Variants in LOXL2 observed in about 807,000 individuals in gnomAD.
LOXL2 encodes lysyl oxidase homolog 2.
In LOXL2, 70 loss-of-function variants were observed where a neutral mutation model predicts 93.0. That is an observed-to-expected ratio of 0.75 (90% CI 0.62 to 0.92). The LOEUF is 0.92. Among genes scored for constraint, LOXL2 ranks in the 40% least tolerant of loss-of-function variants. The pLI is 0.00. For synonymous variants in LOXL2, 438 were observed against 413.2 expected (o/e 1.06, Z -0.73); for missense variants, 973 against 1,054.9 (o/e 0.92, Z 1.08).
At chr8:23,304,983 CT>C (rs1344187142) in intron 10 of LOXL2, among the ~76,000 whole-genome samples, 1 of 152,192 alleles carries the variant, frequency 6.6e-6, no homozygotes, top group African/African-American at 2.4e-5. Flanking sequence ...CTAAGTTGGG[CT>C]TCCCTCGGTC....
At chr8:23,347,580 G>T (rs1164549820) in intron 3 of LOXL2, among the ~76,000 whole-genome samples, 2 of 152,136 alleles carry the variant, frequency 1.3e-5, no homozygotes, top group African/African-American at 4.8e-5. Context: ...AACCCAGGAG[G>T]CGGAGTTTGC....
At position 23,374,824 on chromosome 8, in the gene LOXL2, C is replaced by T. The variant is rs182039019; in HGVS notation, c.-83-6390G>A. On this transcript the variant is annotated intron_variant, in intron 1 of 13. Transcript: ENST00000389131. ...TTTTATTTTCTTGTAAATTTGAGTT[C>T]TTTGTAGATTCTGGATATTAGCCCT... Among the ~76,000 whole-genome samples, 43 of 152,064 alleles carry T rather than the reference C, an allele frequency of 2.8e-4. No homozygotes were observed. The East Asian group carries it at 7.5e-3, about 27-fold the overall frequency.
chr8:23,313,712 A>G (rs1369459356), intron 9 of LOXL2, among the ~76,000 whole-genome samples: 3 of 150,038 alleles, frequency 2.0e-5, no homozygotes, highest in Non-Finnish European at 4.5e-5. Context: ...AAACCTAGGC[A>G]TTACCATTCA....
intron 2 of LOXL2, among the ~76,000 whole-genome samples, chr8:23,362,388 T>C (rs1476936216): frequency 6.6e-6 from 1 of 152,216 alleles, no homozygotes; most frequent in Non-Finnish European, 1.5e-5. Context: ...CTGCTGATGA[T>C]GGTTGCACAA....
chr8:23,322,411 A>G, intron 6 of LOXL2, 130 bp from the exon 7 acceptor site: 1 of 718,894 alleles, frequency 1.4e-6, no homozygotes, highest in East Asian at 2.7e-5. Context: ...TCTTGTAATC[A>G]GCTCAATGAC....
At chr8:23,397,409 A>G (rs944043210) in intron 1 of LOXL2, among the ~76,000 whole-genome samples, 2 of 152,184 alleles carry the variant, frequency 1.3e-5, no homozygotes, top group Non-Finnish European at 2.9e-5. Context: ...CAAAAAGCCT[A>G]TGTGGGTATA....
intron 3 of LOXL2, among the ~76,000 whole-genome samples, chr8:23,350,223 G>T (rs1166757470): frequency 2.6e-5 from 4 of 152,164 alleles, no homozygotes; most frequent in African/African-American, 9.6e-5. Context: ...CTGTACTCCA[G>T]GAGTCTGGCT....
intron 8 of LOXL2, among the ~76,000 whole-genome samples, chr8:23,318,664 G>C (rs1803444654): frequency 6.6e-6 from 1 of 152,176 alleles, no homozygotes; most frequent in Non-Finnish European, 1.5e-5. Context: ...AGCTGACTGG[G>C]AAGAAAAATA....
intron 1 of LOXL2, among the ~76,000 whole-genome samples, chr8:23,397,760 CA>C (rs1800110145): frequency 7.5e-6 from 1 of 133,374 alleles, no homozygotes; most frequent in African/African-American, 2.9e-5. Flanking sequence ...GCCTGGGCAA[CA>C]GAGCAAGACT....
chr8:23,326,232 C>T (rs908999290), intron 6 of LOXL2, among the ~76,000 whole-genome samples: 1 of 152,222 alleles, frequency 6.6e-6, no homozygotes, highest in Non-Finnish European at 1.5e-5. Flanking sequence ...GGACAGCATC[C>T]AAAATGCCAA....
rs754057838 is a variant in LOXL2, at chr8:23,298,024, GTTGACCACGCAGGC to G, written c.*5_*18del. 15 of 1,608,614 alleles carry G rather than the reference GTTGACCACGCAGGC, an allele frequency of 9.3e-6. No homozygotes were observed. The South Asian group carries it at 1.5e-4, about 17-fold the overall frequency. ...GATGTGGTGTGGCCTGAAGACAGGA[GTTGACCACGCAGGC>G]TTCTTTACTGCGGGGACAGCTGGTT... On this transcript the variant is annotated 3_prime_UTR_variant, in exon 14 of 14. Transcript: ENST00000389131.
At chr8:23,339,685 A>T (rs1275957916) in intron 4 of LOXL2, among the ~76,000 whole-genome samples, 1 of 152,308 alleles carries the variant, frequency 6.6e-6, no homozygotes, top group South Asian at 2.1e-4. Context: ...AAAAGCTGAG[A>T]AGGTATCACC....
chr8:23,321,100 C>G (rs1803489796), intron 7 of LOXL2, among the ~76,000 whole-genome samples: 1 of 152,200 alleles, frequency 6.6e-6, no homozygotes, highest in African/African-American at 2.4e-5. Context: ...GCATCCACTT[C>G]CCTCCAGTCC....
chr8:23,341,323 C>A lies in LOXL2; in HGVS notation c.532-120G>T, dbSNP rs1366324838. 23 of 806,212 alleles carry A rather than the reference C, an allele frequency of 2.9e-5. No individual in the cohort carries two copies. The Middle Eastern group carries it at 6.6e-3, about 231-fold the overall frequency. The allele number at this position is 806,212 out of a possible 1,614,324, so 49.9% of individuals were successfully genotyped here. A position where few individuals can be genotyped will look rare whatever the true frequency, so the allele number is the denominator to read the frequency against. ...GGCCTGCCGCGGGCCTGCCTGTGCC[C>A]TCAGGCCCTGCAGTGAGCTCTGGGC... On this transcript the variant is annotated intron_variant, in intron 3 of 13. Coordinates refer to ENST00000389131, the MANE Select transcript of LOXL2 (RefSeq NM_002318.3).
At chr8:23,359,085 C>T (rs1375432493) in intron 3 of LOXL2, among the ~76,000 whole-genome samples, 1 of 151,954 alleles carries the variant, frequency 6.6e-6, no homozygotes, top group Non-Finnish European at 1.5e-5. Flanking sequence ...ATCTCCTGAC[C>T]TCGTGATCTG....
At chr8:23,324,487 G>C (rs1000425078) in intron 6 of LOXL2, among the ~76,000 whole-genome samples, 3 of 152,168 alleles carry the variant, frequency 2.0e-5, no homozygotes, top group African/African-American at 7.2e-5. Flanking sequence ...ACACTGGACT[G>C]GGTGTCTGGC....
rs2117133663 is a variant in LOXL2, at chr8:23,297,800, G to C, written c.*243C>G. Reference sequence around the variant, plus strand: ...ACTGGCTCTTGGTGCTGCTCCAGCAGCTCTGTGGACAAACCCCACCCCCGC... The same window carrying C: ...ACTGGCTCTTGGTGCTGCTCCAGCACCTCTGTGGACAAACCCCACCCCCGC... On this transcript the variant is annotated 3_prime_UTR_variant, in exon 14 of 14. Transcript: ENST00000389131. 2.1e-6 allele frequency: 1 copy of C among 476,476 alleles called. No homozygotes were observed. The highest frequency in any genetic ancestry group is 3.5e-5 in the East Asian group (1 of 28,482). 29.5% of individuals were successfully genotyped at this position (476,476 alleles called of 1,614,324 possible). A position where few individuals can be genotyped will look rare whatever the true frequency, so the allele number is the denominator to read the frequency against.
chr8:23,395,251 T>TCAAAA (rs751648337), intron 1 of LOXL2, among the ~76,000 whole-genome samples: 18 of 128,262 alleles, frequency 1.4e-4, no homozygotes, highest in Non-Finnish European at 2.2e-4. Flanking sequence ...AGATTCCGTC[T>TCAAAA]CAAAACAAAA....
At chr8:23,403,214 C>T (rs1800174393) in intron 1 of LOXL2, among the ~76,000 whole-genome samples, 1 of 152,196 alleles carries the variant, frequency 6.6e-6, no homozygotes, top group Non-Finnish European at 1.5e-5. Context: ...TTGGGATCAG[C>T]TGTAGCCGTG....
Sources: allele counts gnomAD v4.1 joint callset (sites outside exome capture counted in the v4.1 genomes callset), GRCh38; gene constraint gnomAD v4.1.1; transcripts MANE v1.5; gene names NCBI Gene and HGNC (gene_info 2026-07-23, HGNC 2026-07-21).